TXNDC8: variants seen among roughly 807,000 people sequenced by gnomAD.
The protein encoded by TXNDC8 is thioredoxin domain-containing protein 8.
TXNDC8 carries 15 observed loss-of-function variants against 12.9 expected under a neutral mutation model. The observed-to-expected ratio is 1.16, with a 90% CI of 0.78 to 1.79. TXNDC8 has a LOEUF of 1.79. Ranked by LOEUF, TXNDC8 falls within the 40% of genes most tolerant of loss-of-function variation. TXNDC8 has a pLI of 0.00. For synonymous variants in TXNDC8, 40 were observed against 35.4 expected, an observed-to-expected ratio of 1.13 and a Z score of -0.46; for missense variants, 128 against 113.2, an observed-to-expected ratio of 1.13 and a Z score of -0.59.
chr9:110,333,390 T>C (rs536457160), intron 2 of TXNDC8, among the ~76,000 whole-genome samples: 5 of 152,290 alleles, frequency 3.3e-5, no homozygotes, highest in African/African-American at 9.6e-5. Flanking sequence ...AACAGTTTCT[T>C]CCTGAAACCA....
chr9:110,337,758 CA>C lies in TXNDC8; in HGVS notation c.24+14del. The C allele has an allele frequency of 6.2e-7, 1 of 1,613,446 alleles. No individual in the cohort carries two copies. On this transcript the variant is annotated intron_variant, in intron 1 of 4. Coordinates refer to ENST00000423740, the MANE Select transcript of TXNDC8 (RefSeq NM_001286946.2). ...CCACATTTGAAATACTCAGTGAAGCCAAATAAATACTTGCCGTGTCTTTAAT... is the reference window on the plus strand; with the variant it reads ...CCACATTTGAAATACTCAGTGAAGCCAATAAATACTTGCCGTGTCTTTAAT...
chr9:110,319,533 A>G (rs1402182077), intron 3 of TXNDC8, among the ~76,000 whole-genome samples: 5 of 152,196 alleles, frequency 3.3e-5, no homozygotes, highest in Admixed American at 1.3e-4. Context: ...CTAAGCCTCA[A>G]GGTGGTTATG....
intron 2 of TXNDC8, among the ~76,000 whole-genome samples, chr9:110,333,451 C>A (rs1048503926): frequency 5.3e-5 from 8 of 152,164 alleles, no homozygotes; most frequent in Non-Finnish European, 7.4e-5. Context: ...TTGTCTTCCA[C>A]AAAACTGGTC....
intron 3 of TXNDC8, among the ~76,000 whole-genome samples, chr9:110,306,472 T>A (rs1394954182): frequency 6.6e-6 from 1 of 152,190 alleles, no homozygotes; most frequent in African/African-American, 2.4e-5. Context: ...TCTTCAGTTT[T>A]TCCCCATCAC....
At chr9:110,324,262 G>A (rs1447936882) in intron 3 of TXNDC8, among the ~76,000 whole-genome samples, 1 of 152,174 alleles carries the variant, frequency 6.6e-6, no homozygotes, top group Non-Finnish European at 1.5e-5. Context: ...AAGATGATAT[G>A]TAGACAATTG....
At position 110,313,635 on chromosome 9, in the gene TXNDC8, A is replaced by T. The variant is rs1838771508; in HGVS notation, c.196-9103T>A. ...AGAATCACTTGTACCCAGGAGGTGG[A>T]GGTTGCAGTGAGCCGAGACCGTGCC... On this transcript the variant is annotated intron_variant, in intron 3 of 4. Transcript: ENST00000423740. 2.0e-5 allele frequency among the ~76,000 whole-genome samples: 3 copies of T among 152,154 alleles called. No homozygotes were observed. In the South Asian group the frequency reaches 6.2e-4, roughly 32 times the overall value.
intron 1 of TXNDC8, among the ~76,000 whole-genome samples, chr9:110,336,534 G>A (rs752508529): frequency 1.2e-4 from 19 of 152,170 alleles, no homozygotes; most frequent in Admixed American, 6.6e-5. Context: ...ACTATCTGAA[G>A]GGAATACTCT....
intron 3 of TXNDC8, among the ~76,000 whole-genome samples, chr9:110,310,688 T>C (rs1418767105): frequency 6.6e-6 from 1 of 152,222 alleles, no homozygotes; most frequent in Non-Finnish European, 1.5e-5. Flanking sequence ...GTAAAATCTT[T>C]AATAAACAAG....
intron 3 of TXNDC8, among the ~76,000 whole-genome samples, chr9:110,320,806 C>T (rs1839061771): frequency 6.6e-6 from 1 of 152,206 alleles, no homozygotes; most frequent in Non-Finnish European, 1.5e-5. Context: ...GAAGAAACCA[C>T]AGGAATGATC....
At chr9:110,332,039 G>GA (rs1305119413) in intron 2 of TXNDC8, among the ~76,000 whole-genome samples, 1 of 151,900 alleles carries the variant, frequency 6.6e-6, no homozygotes, top group South Asian at 2.1e-4. Context: ...AACATTACAA[G>GA]AAAAAACTGG....
chr9:110,337,178 C>T (rs1839788877), intron 1 of TXNDC8, among the ~76,000 whole-genome samples: 1 of 152,154 alleles, frequency 6.6e-6, no homozygotes, highest in Non-Finnish European at 1.5e-5. Context: ...TCCTCCAGCT[C>T]TTGACTTCTT....
downstream of TXNDC8, among the ~76,000 whole-genome samples, chr9:110,301,521 C>A (rs1273603591): frequency 6.6e-6 from 1 of 152,030 alleles, no homozygotes; most frequent in Non-Finnish European, 1.5e-5. Flanking sequence ...ACCATCTCCA[C>A]CCCCACCCTT....
intron 3 of TXNDC8, among the ~76,000 whole-genome samples, chr9:110,310,432 G>T (rs1439060124): frequency 6.6e-6 from 1 of 152,024 alleles, no homozygotes; most frequent in Non-Finnish European, 1.5e-5. Context: ...AGTGAAACAG[G>T]TTATCAAGAA....
chr9:110,326,112 T>C (rs1839307090), intron 3 of TXNDC8, 63 bp downstream of exon 4: 2 of 1,571,428 alleles, frequency 1.3e-6, no homozygotes, highest in Non-Finnish European at 1.7e-6. Context: ...AGCCAGGCTT[T>C]TTTGAGGGAC....
At chr9:110,323,397 T>TG in intron 3 of TXNDC8, 1 of 921,994 alleles carries the variant, frequency 1.1e-6, no homozygotes, top group Non-Finnish European at 1.3e-6. Context: ...CATTAGTTAA[T>TG]GGTGCTTCTG....
chr9:110,316,017 A>G (rs1346578309), intron 3 of TXNDC8, among the ~76,000 whole-genome samples: 1 of 148,816 alleles, frequency 6.7e-6, no homozygotes, highest in Admixed American at 6.7e-5. Flanking sequence ...CCTGCCTCAC[A>G]CTCCTGAGTA....
chr9:110,335,919 G>T (rs975721723), intron 1 of TXNDC8, among the ~76,000 whole-genome samples: 1 of 152,190 alleles, frequency 6.6e-6, no homozygotes, highest in Non-Finnish European at 1.5e-5. Context: ...ATCTTGAATT[G>T]TAGCTCCCAT....
intron 2 of TXNDC8, among the ~76,000 whole-genome samples, chr9:110,331,685 A>G (rs1215931140): frequency 6.6e-6 from 1 of 152,172 alleles, no homozygotes; most frequent in Non-Finnish European, 1.5e-5. Context: ...AAACTGTTCC[A>G]CCTCAGATCA....
chr9:110,328,561 C>A (rs1192060894), intron 2 of TXNDC8, among the ~76,000 whole-genome samples: 2 of 152,238 alleles, frequency 1.3e-5, no homozygotes, highest in East Asian at 3.8e-4. Flanking sequence ...AATCCCAACA[C>A]TTTGGGAGGC....
Sources: gnomAD v4.1 joint callset for allele counts (sites outside exome capture counted in the v4.1 genomes callset) on GRCh38, gnomAD v4.1.1 for gene constraint, MANE v1.5 for transcripts, NCBI Gene and HGNC (gene_info 2026-07-23, HGNC 2026-07-21) for gene names.